The following ZBTB14 variants were observed in gnomAD, a reference collection of about 807,000 sequenced individuals.
ZBTB14 encodes the protein zinc finger and BTB domain-containing protein 14.
ZBTB14 carries 8 observed loss-of-function variants against 29.5 expected under a neutral mutation model. The observed-to-expected ratio is 0.27, with a 90% confidence interval of 0.16 to 0.49. The LOEUF is 0.49. Among genes scored for constraint, ZBTB14 ranks in the 20% least tolerant of loss-of-function variants. The probability of loss-of-function intolerance (pLI) is 0.99; values close to 1 mark genes in which losing one functional copy is unlikely to be tolerated. For missense variants in ZBTB14, 333 were observed against 563.8 expected (o/e 0.59, Z 4.15); for synonymous variants, 226 against 207.2 (o/e 1.09, Z -0.78).
In ZBTB14 at chr18:5,290,658, C is replaced by G. The variant is rs2143217317; in HGVS notation, c.*200G>C. The G allele has an allele frequency of 1.4e-6, 1 of 698,566 alleles. No homozygotes were observed. The highest frequency in any genetic ancestry group is 2.9e-5 in the East Asian group (1 of 34,754). 43.3% of individuals were successfully genotyped at this position (698,566 alleles called of 1,614,324 possible). ...CATTAATACTAGACACCAGACAAGACAGTGAAACGGTTTGGTCAGAACTGA... is the reference window on the plus strand; with the variant it reads ...CATTAATACTAGACACCAGACAAGAGAGTGAAACGGTTTGGTCAGAACTGA... On this transcript the variant is annotated 3_prime_UTR_variant, in exon 4 of 4. Transcript: ENST00000651870.
At chr18:5,293,461 G>T (rs943508093) in intron 2 of ZBTB14, 134 bp from the exon 3 acceptor site, 5 of 564,782 alleles carry the variant, frequency 8.9e-6, no homozygotes, top group Non-Finnish European at 1.6e-5. Context: ...AGAGTGGCAG[G>T]TAGGTAGCTG....
At chr18:5,292,869 G>A (rs998134472) in intron 3 of ZBTB14, among the ~76,000 whole-genome samples, 1 of 152,202 alleles carries the variant, frequency 6.6e-6, no homozygotes, top group Non-Finnish European at 1.5e-5. Flanking sequence ...TCTAAATGAA[G>A]GTCAAGGTTT....
At chr18:5,295,399 G>A (rs865937098) in intron 1 of ZBTB14, among the ~76,000 whole-genome samples, 1,736 of 145,216 alleles carry the variant, frequency 0.012, 16 homozygotes, top group Middle Eastern at 0.028. Flanking sequence ...GGCGCGGCGG[G>A]GCCCGCGGCT....
At chr18:5,293,797 G>C (rs2071874649) in intron 2 of ZBTB14, 175 bp downstream of exon 2, 1 of 152,268 alleles carries the variant, frequency 6.6e-6, no homozygotes, top group Non-Finnish European at 1.5e-5. Context: ...AAACCCAACA[G>C]GTAACATGGG....
At chr18:5,295,476 T>C (rs1743287826) in intron 1 of ZBTB14, among the ~76,000 whole-genome samples, 176 bp downstream of exon 1, 2 of 143,460 alleles carry the variant, frequency 1.4e-5, no homozygotes, top group Non-Finnish European at 1.5e-5. Flanking sequence ...CCCACCGCGG[T>C]GCACTGCGGC....
At position 5,291,703 on chromosome 18, in the gene ZBTB14, G is replaced by A; in HGVS notation, c.505C>T (p.Gln169Ter). The change falls in exon 4 of 4, where the codon CAG becomes TAG. Residue 169 changes from glutamine (Q) to a stop codon, truncating the protein, a stop_gained. Transcript: ENST00000651870. LOFTEE classifies it high-confidence loss of function. This position sits in a 1 kb window ranked among gnomAD's most constrained non-coding sequence, Gnocchi z 5.8. ...GTGTCATCAGAAGGACTGTCATCCT[G>A]ATCCCCGATTTCCTCTACATCATCA... is the stretch of plus-strand genomic sequence containing the variant. The part of the protein sequence containing the change: ...QDDDVEEIGD[Q>*]DDSPSDDTVE... 1 of 1,614,094 alleles carries A rather than the reference G, an allele frequency of 6.2e-7. No homozygotes were observed. The highest frequency in any genetic ancestry group is 2.2e-5 in the East Asian group (1 of 44,882).
At position 5,290,662 on chromosome 18, in the gene ZBTB14, G is replaced by GAT; in HGVS notation, c.*195_*196insAT. The GAT allele has an allele frequency of 1.4e-6, 1 of 732,114 alleles. No homozygotes were observed. Among genetic ancestry groups the GAT allele is most frequent in the Non-Finnish European group, 2.1e-6 (1 of 473,050 alleles). The allele number at this position is 732,114 out of a possible 1,614,324, so 45.4% of individuals were successfully genotyped here. On this transcript the variant is annotated 3_prime_UTR_variant, in exon 4 of 4. Transcript: ENST00000651870. ...AATACTAGACACCAGACAAGACAGT[G>GAT]AAACGGTTTGGTCAGAACTGAGGAA...
rs1291015058 is a variant in ZBTB14, at chr18:5,291,136, C to T, written c.1072G>A (p.Glu358Lys). Residue 358 changes from glutamate (E) to lysine (K), a missense_variant, in exon 4 of 4, where the codon GAA becomes AAA. Physicochemically the swap from Glu to Lys is moderately conservative, Grantham distance 56. Around this residue, in one of 3 missense-constraint regions of ZBTB14, gnomAD observed 140 missense variants for 274.6 expected, o/e 0.51. Transcript: ENST00000651870. The surrounding 1 kb of genome is among the most constrained non-coding windows in gnomAD (Gnocchi z 5.8). Reference protein sequence around the residue: ...LKKHERVHSNERPFACHMCDK... With the variant: ...LKKHERVHSNKRPFACHMCDK... The stretch of plus-strand genomic sequence containing the variant: ...CACATGTGGCACGCAAACGGTCTTT[C>T]ATTACTGTGAACTCTCTCATGCTTC... 6.2e-7 allele frequency: 1 copy of T among 1,614,252 alleles called. No individual in the cohort carries two copies. The highest frequency in any genetic ancestry group is 8.5e-7 in the Non-Finnish European group (1 of 1,180,050).
rs149078450 is a variant in ZBTB14 at position 5,289,979 on chromosome 18, A to G, written c.*879T>C. ...TTGTCCTAATTTTGATTCTAAATAAAAATCCAATTTCAAAATCAATTAAGA... is the reference window on the plus strand; with the variant it reads ...TTGTCCTAATTTTGATTCTAAATAAGAATCCAATTTCAAAATCAATTAAGA... On this transcript the variant is annotated 3_prime_UTR_variant, in exon 4 of 4. Transcript: ENST00000651870. The G allele has an allele frequency of 5.3e-5, 8 of 152,366 alleles. No individual in the cohort carries two copies. Among genetic ancestry groups the G allele is most frequent in the African/African-American group, 1.9e-4 (8 of 41,588 alleles). 9.4% of individuals were successfully genotyped at this position (152,366 alleles called of 1,614,324 possible).
chr18:5,293,679 T>G (rs1012752694), intron 2 of ZBTB14: 3 of 158,448 alleles, frequency 1.9e-5, no homozygotes, highest in South Asian at 2.0e-4. Context: ...CCGTGCCCCC[T>G]ACACCTATCC....
rs545862796 is a variant in ZBTB14 at position 5,291,430 on chromosome 18, C to A, written c.778G>T (p.Ala260Ser). 11 of 1,614,202 alleles carry A rather than the reference C, an allele frequency of 6.8e-6. No individual in the cohort carries two copies. The highest frequency in any genetic ancestry group is 9.3e-6 in the Non-Finnish European group (11 of 1,180,038). ...DEQTPGWTTA[A>S]SDMKFEYLLY... ...AAATACTCAAACTTCATGTCACTGG[C>A]GGCTGTTGTCCAGCCTGGTGTCTGT... Residue 260 changes from alanine (A) to serine (S), a missense_variant, in exon 4 of 4, where the codon GCC (alanine) becomes TCC (serine). Around this residue, in one of 3 missense-constraint regions of ZBTB14, gnomAD observed 140 missense variants for 274.6 expected, o/e 0.51. Transcript: ENST00000651870. The surrounding 1 kb of genome is among the most constrained non-coding windows in gnomAD (Gnocchi z 5.8).
Position 5,293,799 on chromosome 18 carries a change from T to G in ZBTB14, c.-82+173A>C, listed in dbSNP as rs2071874782. On this transcript the variant is annotated intron_variant, in intron 2 of 3. Transcript: ENST00000651870. ...TATAGAAGTACATAAACCCAACAGG[T>G]AACATGGGAGGAGAGGGAACAATGA... Among the ~76,000 whole-genome samples the G allele has an allele frequency of 2.6e-5, 4 of 152,126 alleles. No homozygotes were observed. The South Asian group carries it at 6.2e-4, about 24-fold the overall frequency.
chr18:5,296,535 G>C (rs187991425), upstream of ZBTB14, among the ~76,000 whole-genome samples: 1 of 151,672 alleles, frequency 6.6e-6, no homozygotes, highest in Non-Finnish European at 1.5e-5. Flanking sequence ...CGGAGCGGGC[G>C]CCCCGGCCAC....
rs1397524270 is a variant in ZBTB14 at position 5,294,271 on chromosome 18, G to A, written c.-111-270C>T. 3.9e-5 allele frequency among the ~76,000 whole-genome samples: 6 copies of A among 152,178 alleles called. No homozygotes were observed. The East Asian group carries it at 1.2e-3, about 29-fold the overall frequency. ...GATGATTCTGACTTGATCATTCTAC[G>A]TGTTTCTGCCTCTCTATTCCCTAGA... On this transcript the variant is annotated intron_variant, in intron 1 of 3. Coordinates refer to ENST00000651870, the MANE Select transcript of ZBTB14 (RefSeq NM_001243702.2).
intron 1 of ZBTB14, among the ~76,000 whole-genome samples, chr18:5,295,446 G>A (rs1026307997): frequency 1.4e-5 from 2 of 145,262 alleles, no homozygotes; most frequent in East Asian, 4.1e-4. Flanking sequence ...GCTCCGCGCT[G>A]GGTTCGGGCC....
At chr18:5,295,587 C>A (rs2071939680) in intron 1 of ZBTB14, 65 bp downstream of exon 1, 2 of 144,620 alleles carry the variant, frequency 1.4e-5, no homozygotes, top group African/African-American at 4.9e-5. Flanking sequence ...CTCGCCGGCC[C>A]GCGCGGCCCC....
upstream of ZBTB14, among the ~76,000 whole-genome samples, chr18:5,296,410 C>G (rs1219195574): frequency 1.3e-5 from 2 of 150,062 alleles, no homozygotes; most frequent in East Asian, 2.0e-4. Flanking sequence ...CCGGCGCCGG[C>G]GCAGCGCCGG....
chr18:5,293,067 G>A (rs1290106730), intron 3 of ZBTB14, among the ~76,000 whole-genome samples, 177 bp downstream of exon 3: 1 of 152,120 alleles, frequency 6.6e-6, no homozygotes, highest in Non-Finnish European at 1.5e-5. Flanking sequence ...TTAAAAAACT[G>A]GTCATCTTAA....
chr18:5,292,325 G>A (rs761686704), intron 3 of ZBTB14, 121 bp from the exon 4 acceptor site: 142 of 863,210 alleles, frequency 1.6e-4, no homozygotes, highest in Admixed American at 3.8e-4. Context: ...TCAATGTTAA[G>A]AGTGGTCTTT....
Sources: allele counts gnomAD v4.1 joint callset (sites outside exome capture counted in the v4.1 genomes callset), GRCh38; gene constraint gnomAD v4.1.1; regional missense constraint gnomAD v4.1.1; non-coding constraint Gnocchi (gnomAD v3.1); transcripts MANE v1.5; gene names NCBI Gene and HGNC (gene_info 2026-07-23, HGNC 2026-07-21).